ABCD3: variants seen among roughly 807,000 people sequenced by gnomAD.
ABCD3 encodes the protein ATP binding cassette subfamily D member 3.
In ABCD3, 41 loss-of-function variants were observed where a neutral mutation model predicts 105.5. That is an observed-to-expected ratio of 0.39 (90% confidence interval 0.30 to 0.50). The LOEUF (loss-of-function observed/expected upper bound fraction) is 0.50, where lower values mean the gene tolerates loss of function less well. Among genes scored for constraint, ABCD3 ranks in the 20% least tolerant of loss-of-function variants. The pLI is 0.84. For synonymous variants in ABCD3, 258 were observed against 269.0 expected (o/e 0.96, Z 0.40); for missense variants, 622 against 806.3 (o/e 0.77, Z 2.77).
the ABCD3 span, among the ~76,000 whole-genome samples, chr1:94,394,946 A>G: frequency 6.6e-6 from 1 of 152,190 alleles, no homozygotes; most frequent in Non-Finnish European, 1.5e-5. Context: ...TTAAAAATGC[A>G]GTAGATACTT....
At chr1:94,470,733 T>A (rs1648415247) in intron 4 of ABCD3, among the ~76,000 whole-genome samples, 1 of 152,172 alleles carries the variant, frequency 6.6e-6, no homozygotes. Context: ...ACTGATGATC[T>A]GATTATCTTA....
At chr1:94,512,352 A>G (rs956046038) in intron 21 of ABCD3, among the ~76,000 whole-genome samples, 1 of 151,974 alleles carries the variant, frequency 6.6e-6, no homozygotes, top group Non-Finnish European at 1.5e-5. Flanking sequence ...TACCTCATTT[A>G]TGTAAAACAA....
chr1:94,418,044 T>C (rs1424461294), upstream of ABCD3, among the ~76,000 whole-genome samples: 1 of 151,552 alleles, frequency 6.6e-6, no homozygotes, highest in Non-Finnish European at 1.5e-5. Flanking sequence ...ACCGCGGGAG[T>C]GGAGAGGCAG....
the ABCD3 span, among the ~76,000 whole-genome samples, chr1:94,398,521 G>C: frequency 6.6e-6 from 1 of 152,158 alleles, no homozygotes; most frequent in African/African-American, 2.4e-5. Context: ...ACTTAGGTCA[G>C]CTCCACCCCC....
intron 21 of ABCD3, among the ~76,000 whole-genome samples, chr1:94,507,128 T>C (rs1274588561): frequency 6.6e-6 from 1 of 152,022 alleles, no homozygotes; most frequent in Non-Finnish European, 1.5e-5. Context: ...CTCCCAATGC[T>C]ATCCCTCCCC....
intron 1 of ABCD3, among the ~76,000 whole-genome samples, chr1:94,429,389 A>G (rs1266032312): frequency 2.0e-5 from 3 of 152,192 alleles, no homozygotes; most frequent in Non-Finnish European, 4.4e-5. Flanking sequence ...GCCAAAAGTT[A>G]CTCATCAAGA....
In ABCD3 at chr1:94,499,556, G is replaced by A; in HGVS notation, c.1682G>A (p.Trp561Ter). The A allele has an allele frequency of 6.2e-7, 1 of 1,613,704 alleles. No homozygotes were observed. The highest frequency in any genetic ancestry group is 8.5e-7 in the Non-Finnish European group (1 of 1,179,750). Residue 561 changes from tryptophan to a stop codon, truncating the protein, a stop_gained, in exon 20 of 23, where the codon TGG becomes TAG. Transcript: ENST00000370214. LOFTEE classifies it high-confidence loss of function. ...CATATCCTTGAACGTGAAGGAGGCT[G>A]GGACAGTGTTCAGGATTGGATGGAC... The part of the protein sequence containing the change: ...LGHILEREGG[W>*]DSVQDWMDVL...
Position 94,499,565 on chromosome 1 carries a change from T to A in ABCD3, c.1691T>A (p.Val564Asp). Residue 564 changes from valine (V) to aspartate (D), a missense_variant, in exon 20 of 23, where the codon GTT (valine) becomes GAT (aspartate). By Grantham distance (152) the Val-to-Asp change is radical (BLOSUM62 -3). Around this residue, in one of 4 missense-constraint regions of ABCD3, gnomAD observed 285 missense variants for 352.5 expected, o/e 0.81. Transcript: ENST00000370214. ...ILEREGGWDS[V>D]QDWMDVLSGG... ...GAACGTGAAGGAGGCTGGGACAGTG[T>A]TCAGGATTGGATGGACGTACTCAGT... The A allele has an allele frequency of 1.9e-6, 3 of 1,613,822 alleles. No individual in the cohort carries two copies. Among genetic ancestry groups the A allele is most frequent in the Non-Finnish European group, 2.5e-6 (3 of 1,179,842 alleles).
chr1:94,471,404 A>G (rs1428980568), intron 4 of ABCD3, among the ~76,000 whole-genome samples: 1 of 151,980 alleles, frequency 6.6e-6, no homozygotes, highest in African/African-American at 2.4e-5. Context: ...CAAAATATAA[A>G]AAAGTTAGCT....
chr1:94,404,054 C>T, the ABCD3 span, among the ~76,000 whole-genome samples: 4 of 152,276 alleles, frequency 2.6e-5, 1 homozygote, highest in Middle Eastern at 6.8e-3. Flanking sequence ...CACACATACA[C>T]ATACCACATA....
the ABCD3 span, among the ~76,000 whole-genome samples, chr1:94,392,422 T>A: frequency 6.6e-6 from 1 of 152,192 alleles, no homozygotes; most frequent in African/African-American, 2.4e-5. Context: ...AAATTATGTG[T>A]GTTGTGTTAG....
At chr1:94,402,262 AAT>A in the ABCD3 span, among the ~76,000 whole-genome samples, 1 of 152,302 alleles carries the variant, frequency 6.6e-6, no homozygotes, top group African/African-American at 2.4e-5. Flanking sequence ...AGTGTTCTTT[AAT>A]ATGTCTTTAA....
rs763228210 is a variant in ABCD3, at chr1:94,478,543, G to A, written c.684+228G>A. 1.3e-6 allele frequency: 2 copies of A among 1,598,116 alleles called. No individual in the cohort carries two copies. The highest frequency in any genetic ancestry group is 3.4e-5 in the Admixed American group (2 of 59,240). ...AATTAGGTACTTGGAAAAATTTTGT[G>A]GCATTAAAAACCAGACAAATGTATT... On this transcript the variant is annotated intron_variant, in intron 8 of 22. Coordinates refer to ENST00000370214, the MANE Select transcript of ABCD3 (RefSeq NM_002858.4).
intron 1 of ABCD3, among the ~76,000 whole-genome samples, chr1:94,448,192 T>A (rs1379979440): frequency 6.6e-6 from 1 of 152,164 alleles, no homozygotes; most frequent in Non-Finnish European, 1.5e-5. Context: ...ATCAAATTGC[T>A]ACTATGATAG....
intron 1 of ABCD3, among the ~76,000 whole-genome samples, chr1:94,434,843 C>G (rs968742225): frequency 1.3e-5 from 2 of 152,182 alleles, no homozygotes; most frequent in Non-Finnish European, 1.5e-5. Context: ...ATGGCCCTTC[C>G]CAGTCACAGC....
rs1210165843 is a variant in ABCD3 at position 94,438,674 on chromosome 1, C to CAAGG, written c.111-19933_111-19932insAAGG. The stretch of plus-strand genomic sequence containing the variant: ...CACCCCAGCCTTCAGCAACCACTGC[C>CAAGG]CTGTTTGTTCAGCAGCCATTAACAT... On this transcript the variant is annotated intron_variant, in intron 1 of 22. Transcript: ENST00000370214. 4.0e-4 allele frequency among the ~76,000 whole-genome samples: 61 copies of CAAGG among 152,290 alleles called. No homozygotes were observed. In the South Asian group the frequency reaches 0.012, roughly 31 times the overall value.
At chr1:94,407,680 G>A in the ABCD3 span, among the ~76,000 whole-genome samples, 1 of 152,136 alleles carries the variant, frequency 6.6e-6, no homozygotes, top group Admixed American at 6.5e-5. Flanking sequence ...TCTGGATCTC[G>A]AGTTTGTTCT....
chr1:94,399,470 A>G, the ABCD3 span, among the ~76,000 whole-genome samples: 1 of 152,196 alleles, frequency 6.6e-6, no homozygotes, highest in Non-Finnish European at 1.5e-5. Flanking sequence ...CTCAGTAGCC[A>G]ATGATTCCAA....
chr1:94,423,184 G>A (rs1659329362), intron 1 of ABCD3, among the ~76,000 whole-genome samples: 1 of 152,146 alleles, frequency 6.6e-6, no homozygotes, highest in African/African-American at 2.4e-5. Flanking sequence ...TCCTTGAAGG[G>A]TTAGGTCAGG....
Sources: gnomAD v4.1 joint callset for allele counts (sites outside exome capture counted in the v4.1 genomes callset) on GRCh38, gnomAD v4.1.1 for gene constraint, gnomAD v4.1.1 regional missense constraint, MANE v1.5 for transcripts, NCBI Gene and HGNC (gene_info 2026-07-23, HGNC 2026-07-21) for gene names.